SLC9B1: variants seen among roughly 807,000 people sequenced by gnomAD.
SLC9B1 encodes the protein sodium/hydrogen exchanger 9B1.
Under a neutral mutation model 51.7 loss-of-function variants are expected in SLC9B1, and 32 were observed. The ratio of observed to expected loss-of-function variants is 0.62; its 90% CI spans 0.47 to 0.83. The LOEUF is 0.83. Among genes scored for constraint, SLC9B1 ranks in the 40% least tolerant of loss-of-function variants. SLC9B1 has a pLI of 0.00. For synonymous variants in SLC9B1, 145 were observed against 212.7 expected, an observed-to-expected ratio of 0.68 and a Z score of 2.77; for missense variants, 406 against 613.2, an observed-to-expected ratio of 0.66 and a Z score of 3.57.
intron 3 of SLC9B1, among the ~76,000 whole-genome samples, chr4:102,965,217 T>G: frequency 6.6e-6 from 1 of 152,164 alleles, no homozygotes. Context: ...ATAGAATACC[T>G]GAGACTGTAT....
intron 7 of SLC9B1, among the ~76,000 whole-genome samples, chr4:102,927,095 T>C (rs1297755573): frequency 6.6e-6 from 1 of 152,078 alleles, no homozygotes; most frequent in African/African-American, 2.4e-5. Flanking sequence ...ATACAAAAAT[T>C]AATTCAAGAT....
At chr4:102,958,863 C>A (rs1205602161) in intron 3 of SLC9B1, among the ~76,000 whole-genome samples, 3 of 151,822 alleles carry the variant, frequency 2.0e-5, no homozygotes, top group Non-Finnish European at 4.4e-5. Flanking sequence ...GTGGAGCTTG[C>A]AGTGAGCCGA....
intron 3 of SLC9B1, among the ~76,000 whole-genome samples, chr4:102,969,937 G>GA (rs1422540590): frequency 6.6e-6 from 1 of 151,714 alleles, no homozygotes; most frequent in African/African-American, 2.4e-5. Context: ...GAAGTTTAGA[G>GA]AAAAAGAGTA....
intron 7 of SLC9B1, among the ~76,000 whole-genome samples, chr4:102,922,104 A>G (rs1451412556): frequency 6.6e-6 from 1 of 152,228 alleles, no homozygotes; most frequent in Non-Finnish European, 1.5e-5. Flanking sequence ...TCAACAGAGT[A>G]TACATTCTTC....
At chr4:102,918,438 G>T (rs1224688871) in intron 7 of SLC9B1, among the ~76,000 whole-genome samples, 1 of 152,170 alleles carries the variant, frequency 6.6e-6, no homozygotes, top group Non-Finnish European at 1.5e-5. Flanking sequence ...CTGATAAGGG[G>T]TTAATATCTA....
chr4:102,912,948 A>G (rs1427743625), intron 7 of SLC9B1, among the ~76,000 whole-genome samples: 3 of 152,216 alleles, frequency 2.0e-5, no homozygotes, highest in Non-Finnish European at 4.4e-5. Context: ...GATTCTCCAT[A>G]AAGATACCAA....
chr4:102,929,688 C>T (rs538666067), intron 7 of SLC9B1, among the ~76,000 whole-genome samples: 9 of 152,184 alleles, frequency 5.9e-5, no homozygotes, highest in African/African-American at 1.7e-4. Context: ...ACCCAGCTAA[C>T]TTTTTGTATT....
chr4:102,976,490 G>C (rs1444356271), intron 3 of SLC9B1, among the ~76,000 whole-genome samples: 1 of 152,154 alleles, frequency 6.6e-6, no homozygotes. Context: ...TATATGCAAG[G>C]ATAGGTCCCA....
chr4:103,015,456 T>G (rs961054152), intron 1 of SLC9B1, among the ~76,000 whole-genome samples: 2 of 152,148 alleles, frequency 1.3e-5, no homozygotes, highest in African/African-American at 4.8e-5. Flanking sequence ...ATTCAACCAC[T>G]AATACCCAGG....
chr4:102,975,586 ATTTTT>A lies in SLC9B1; in HGVS notation c.211+14209_211+14213del, dbSNP rs1197166005. On this transcript the variant is annotated intron_variant, in intron 3 of 11. Transcript: ENST00000296422. ...TATACATATATATATATATATATAT[ATTTTT>A]TTTTTTTTTTTTTTTTTTGAGGCTG... 9.8e-3 allele frequency among the ~76,000 whole-genome samples: 610 copies of A among 62,280 alleles called. 5 individuals carry two copies. The highest frequency in any genetic ancestry group is 0.043 in the African/African-American group (570 of 13,370). The allele number at this position is 62,280 out of a possible 152,430, so 40.9% of individuals were successfully genotyped here. A position where few individuals can be genotyped will look rare whatever the true frequency, so the allele number is the denominator to read the frequency against.
At chr4:102,964,150 T>C (rs575008941) in intron 3 of SLC9B1, among the ~76,000 whole-genome samples, 1 of 152,016 alleles carries the variant, frequency 6.6e-6, no homozygotes, top group Admixed American at 6.6e-5. Flanking sequence ...TAAAAGGATG[T>C]TAAGAAAATA....
intron 1 of SLC9B1, 32 bp downstream of exon 1, chr4:103,019,567 G>A (rs754711223): frequency 4.1e-5 from 40 of 984,916 alleles, no homozygotes; most frequent in Admixed American, 6.1e-5. Flanking sequence ...CAAAGGGCTT[G>A]GAAGGGCGGC....
downstream of SLC9B1, among the ~76,000 whole-genome samples, chr4:102,900,178 C>T (rs976504723): frequency 6.6e-6 from 1 of 152,150 alleles, no homozygotes; most frequent in African/African-American, 2.4e-5. Flanking sequence ...GAAGTCTAAA[C>T]AATTTCTAAG....
At chr4:102,918,740 C>G (rs1428227964) in intron 7 of SLC9B1, among the ~76,000 whole-genome samples, 1 of 152,190 alleles carries the variant, frequency 6.6e-6, no homozygotes, top group Non-Finnish European at 1.5e-5. Flanking sequence ...AGTGACCTCA[C>G]CAGTCACTGA....
intron 3 of SLC9B1, among the ~76,000 whole-genome samples, chr4:102,980,896 T>C (rs1282824048): frequency 1.3e-5 from 2 of 152,202 alleles, no homozygotes; most frequent in Admixed American, 6.5e-5. Context: ...CTTGGGTTTG[T>C]ATGTTCTATG....
At chr4:102,925,101 C>G (rs1389008715) in intron 7 of SLC9B1, among the ~76,000 whole-genome samples, 1 of 152,288 alleles carries the variant, frequency 6.6e-6, no homozygotes, top group South Asian at 2.1e-4. Context: ...AAGACACATG[C>G]ACACGTATGT....
At chr4:102,963,398 AG>A in intron 3 of SLC9B1, 1 of 204,650 alleles carries the variant, frequency 4.9e-6, no homozygotes, top group South Asian at 9.2e-5. Context: ...AACCCAGAGA[AG>A]ACTACCATTT....
chr4:102,925,946 G>T (rs1200693875), intron 7 of SLC9B1, among the ~76,000 whole-genome samples: 1 of 152,086 alleles, frequency 6.6e-6, no homozygotes, highest in Non-Finnish European at 1.5e-5. Context: ...TTCAACATAT[G>T]TAACTCAATA....
At chr4:102,898,514 A>C (rs530665790), downstream of SLC9B1, among the ~76,000 whole-genome samples, 24 of 152,374 alleles carry the variant, frequency 1.6e-4, no homozygotes, top group South Asian at 5.0e-3. Flanking sequence ...AATTTTCAGC[A>C]AAGTATAAAA....
Sources: gnomAD v4.1 joint callset for allele counts (sites outside exome capture counted in the v4.1 genomes callset) on GRCh38, gnomAD v4.1.1 for gene constraint, MANE v1.5 for transcripts, NCBI Gene and HGNC (gene_info 2026-07-23, HGNC 2026-07-21) for gene names.